The following CST7 variants were observed in gnomAD, a reference collection of about 807,000 sequenced individuals.
The protein encoded by CST7 is cystatin-F.
Under a neutral mutation model 13.1 loss-of-function variants are expected in CST7, and 15 were observed. That is an observed-to-expected ratio of 1.14 (90% CI 0.77 to 1.76). The LOEUF is 1.76. CST7 is among the 40% of genes most tolerant of loss of function. CST7 has a pLI of 0.00. For synonymous variants in CST7, 75 were observed against 66.9 expected, an observed-to-expected ratio of 1.12 and a Z score of -0.59; for missense variants, 193 against 178.8, an observed-to-expected ratio of 1.08 and a Z score of -0.45.
At chr20:24,959,602 C>T (rs2087883134) in intron 3 of CST7, 33 bp from the exon 4 acceptor site, 1 of 1,609,590 alleles carries the variant, frequency 6.2e-7, no homozygotes, top group Middle Eastern at 1.7e-4. Flanking sequence ...CAGGGAAAGT[C>T]TAAGCTCTCA....
intron 2 of CST7, among the ~76,000 whole-genome samples, chr20:24,958,632 G>A (rs2087874033): frequency 6.6e-6 from 1 of 152,150 alleles, no homozygotes; most frequent in Non-Finnish European, 1.5e-5. Context: ...GGGCTGCAGG[G>A]CGGGCCCAGC....
chr20:24,955,354 T>G (rs2087846976), intron 1 of CST7, among the ~76,000 whole-genome samples: 1 of 151,876 alleles, frequency 6.6e-6, no homozygotes, highest in Non-Finnish European at 1.5e-5. Flanking sequence ...CCTGGGGAAA[T>G]GCAGGTTCCA....
rs191930787 is a variant in CST7, at chr20:24,949,354, G to C, written c.-152G>C. On this transcript the variant is annotated 5_prime_UTR_variant, in exon 1 of 4. Coordinates refer to ENST00000480798, the MANE Select transcript of CST7 (RefSeq NM_003650.4). Reference sequence around the variant, plus strand: ...CGTGCTGCCTGAGAAGGATTGGCACGGGCACAGACCACTGCCCCCACCTGC... The same window carrying C: ...CGTGCTGCCTGAGAAGGATTGGCACCGGCACAGACCACTGCCCCCACCTGC... 12 of 1,550,708 alleles carry C rather than the reference G, an allele frequency of 7.7e-6. No individual in the cohort carries two copies. The highest frequency in any genetic ancestry group is 8.7e-6 in the Non-Finnish European group (10 of 1,146,936).
At chr20:24,952,290 C>T (rs915475209) in intron 1 of CST7, among the ~76,000 whole-genome samples, 1 of 152,214 alleles carries the variant, frequency 6.6e-6, no homozygotes. Context: ...GGTTAGGCAG[C>T]TTGCCTGAGA....
Position 24,949,377 on chromosome 20 carries a change from T to C in CST7, c.-129T>C. On this transcript the variant is annotated 5_prime_UTR_variant, in exon 1 of 4. Transcript: ENST00000480798. ...ACGGGCACAGACCACTGCCCCCACC[T>C]GCCCTGCGCCATCTACCCAAGAAGG... is the stretch of plus-strand genomic sequence containing the variant. 1.9e-6 allele frequency: 3 copies of C among 1,580,412 alleles called. No homozygotes were observed. The highest frequency in any genetic ancestry group is 2.6e-6 in the Non-Finnish European group (3 of 1,161,584).
intron 1 of CST7, among the ~76,000 whole-genome samples, chr20:24,950,901 C>T (rs559821148): frequency 4.1e-4 from 62 of 152,308 alleles, no homozygotes; most frequent in Admixed American, 1.0e-3. Context: ...GTTCTCACAC[C>T]TCAGAAAAGG....
At position 24,957,414 on chromosome 20, in the gene CST7, C is replaced by T. The variant is rs2087865791; in HGVS notation, c.198C>T (p.Asp66=). The stretch of plus-strand genomic sequence containing the variant: ...AAAAGTTCAACAACTGCACGAACGA[C>T]ATGTTCTTGTTCAAGGAGTCCCGCA... ...SVEKFNNCTN[D]MFLFKESRIT... The change falls in exon 2 of 4, where the codon GAC becomes GAT. Residue 66 remains aspartate (D), a synonymous_variant. Transcript: ENST00000480798. The T allele has an allele frequency of 6.2e-7, 1 of 1,613,756 alleles. No individual in the cohort carries two copies. The highest frequency in any genetic ancestry group is 8.5e-7 in the Non-Finnish European group (1 of 1,179,786).
intron 1 of CST7, among the ~76,000 whole-genome samples, chr20:24,950,014 C>T (rs1387100943): frequency 6.6e-6 from 1 of 152,220 alleles, no homozygotes; most frequent in African/African-American, 2.4e-5. Flanking sequence ...AACGATCAGA[C>T]TCTTTCACCC....
intron 1 of CST7, among the ~76,000 whole-genome samples, chr20:24,956,072 G>A (rs1414307040): frequency 6.6e-6 from 1 of 152,180 alleles, no homozygotes; most frequent in Admixed American, 6.5e-5. Flanking sequence ...TTACCGGGAT[G>A]GGGCGACAAT....
At position 24,950,366 on chromosome 20, in the gene CST7, G is replaced by A. The variant is rs149300771; in HGVS notation, c.70+791G>A. 6.4e-3 allele frequency among the ~76,000 whole-genome samples: 980 copies of A among 152,332 alleles called. 7 individuals carry two copies. The highest frequency in any genetic ancestry group is 0.022 in the African/African-American group (921 of 41,574). Reference sequence around the variant, plus strand: ...CTGGAGCCTGGCCAAAGGGGCCCAGGTGGGGGCTGTGCAGCAGGACCACTG... The same window carrying A: ...CTGGAGCCTGGCCAAAGGGGCCCAGATGGGGGCTGTGCAGCAGGACCACTG... On this transcript the variant is annotated intron_variant, in intron 1 of 3. Transcript: ENST00000480798.
intron 1 of CST7, among the ~76,000 whole-genome samples, chr20:24,952,480 G>A (rs1259282518): frequency 1.3e-5 from 2 of 152,232 alleles, no homozygotes; most frequent in Non-Finnish European, 2.9e-5. Flanking sequence ...CAGCGGGCAG[G>A]TGTGGCCCCA....
At chr20:24,954,457 G>A (rs950047838) in intron 1 of CST7, among the ~76,000 whole-genome samples, 10 of 152,192 alleles carry the variant, frequency 6.6e-5, no homozygotes, top group Admixed American at 2.0e-4. Context: ...CTGCTGGACT[G>A]CTTGTTTTCT....
At chr20:24,957,505 G>A in intron 2 of CST7, 46 bp downstream of exon 2, 1 of 1,583,882 alleles carries the variant, frequency 6.3e-7, no homozygotes, top group Non-Finnish European at 8.6e-7. Context: ...CCCCTAGGAA[G>A]CCGAGCTGCT....
chr20:24,949,901 G>A (rs1424829718), intron 1 of CST7, among the ~76,000 whole-genome samples: 1 of 152,234 alleles, frequency 6.6e-6, no homozygotes, highest in Non-Finnish European at 1.5e-5. Context: ...CTGCGGGACG[G>A]AGGCGACAGG....
chr20:24,955,359 G>A (rs942426633), intron 1 of CST7, among the ~76,000 whole-genome samples: 1 of 152,064 alleles, frequency 6.6e-6, no homozygotes, highest in Admixed American at 6.5e-5. Flanking sequence ...GGAAATGCAG[G>A]TTCCAGGACC....
chr20:24,957,051 GAGGGAGA>G (rs1568806095), intron 1 of CST7, among the ~76,000 whole-genome samples: 1 of 1,196 alleles, frequency 8.4e-4, no homozygotes, highest in African/African-American at 4.2e-3. Context: ...GGGGGCAGGT[GAGGGAGA>G]ACAGGTGAGG....
intron 3 of CST7, 82 bp from the exon 4 acceptor site, chr20:24,959,553 T>C: frequency 1.5e-6 from 2 of 1,325,200 alleles, no homozygotes; most frequent in Non-Finnish European, 2.2e-6. Flanking sequence ...GAAGAGCTCC[T>C]CCATGAGGAC....
intron 3 of CST7, 122 bp downstream of exon 3, chr20:24,959,166 A>G: frequency 1.3e-6 from 1 of 775,224 alleles, no homozygotes; most frequent in Non-Finnish European, 2.2e-6. Flanking sequence ...CCCCTGAGGA[A>G]GCCAGGCCTC....
At chr20:24,954,385 G>A (rs1409364875) in intron 1 of CST7, among the ~76,000 whole-genome samples, 1 of 152,162 alleles carries the variant, frequency 6.6e-6, no homozygotes, top group Admixed American at 6.5e-5. Flanking sequence ...CTCCCTGGGG[G>A]GTCCTCTTCA....
Sources: gnomAD v4.1 joint callset for allele counts (sites outside exome capture counted in the v4.1 genomes callset) on GRCh38, gnomAD v4.1.1 for gene constraint, MANE v1.5 for transcripts, NCBI Gene and HGNC (gene_info 2026-07-23, HGNC 2026-07-21) for gene names.